The following UBTD2 variants were observed in gnomAD, a reference collection of about 807,000 sequenced individuals.
The protein encoded by UBTD2 is ubiquitin domain-containing protein 2.
A neutral mutation model predicts 19.8 loss-of-function variants in UBTD2; 9 were observed. The observed-to-expected ratio is 0.46, with a 90% CI of 0.27 to 0.79. The LOEUF is 0.79. UBTD2 is among the 30% of genes least tolerant of loss of function. UBTD2 has a pLI of 0.14. For missense variants in UBTD2, 250 were observed against 300.4 expected (o/e 0.83, Z 1.24); for synonymous variants, 98 against 103.9 (o/e 0.94, Z 0.35).
intron 1 of UBTD2, chr5:172,254,833 T>C (rs1472958016): frequency 1.8e-6 from 1 of 552,218 alleles, no homozygotes; most frequent in South Asian, 2.1e-5. Flanking sequence ...TTTTCTCTGG[T>C]ACAGGATTTT....
intron 1 of UBTD2, among the ~76,000 whole-genome samples, chr5:172,262,458 A>C (rs1217645070): frequency 2.0e-5 from 3 of 151,262 alleles, no homozygotes; most frequent in African/African-American, 7.3e-5. Flanking sequence ...AAAAAAAAAA[A>C]AAAAAAAAAA....
At chr5:172,281,525 T>C (rs973685991) in intron 1 of UBTD2, among the ~76,000 whole-genome samples, 1 of 151,850 alleles carries the variant, frequency 6.6e-6, no homozygotes, top group African/African-American at 2.4e-5. Context: ...CCTCCACACA[T>C]CCCCCAAACC....
chr5:172,256,228 A>T (rs1394758719), intron 1 of UBTD2, among the ~76,000 whole-genome samples: 1 of 152,202 alleles, frequency 6.6e-6, no homozygotes, highest in Non-Finnish European at 1.5e-5. Flanking sequence ...CCACTCTATT[A>T]AGTCATAGCT....
intron 1 of UBTD2, among the ~76,000 whole-genome samples, chr5:172,236,866 A>AAAGGAAGAGG (rs1772020785): frequency 6.6e-6 from 1 of 152,216 alleles, no homozygotes; most frequent in South Asian, 2.1e-4. Context: ...AAAGCAAATG[A>AAAGGAAGAGG]AAGGAAGAGG....
At chr5:172,230,869 C>T (rs1408893500) in intron 2 of UBTD2, among the ~76,000 whole-genome samples, 5 of 151,496 alleles carry the variant, frequency 3.3e-5, no homozygotes, top group Non-Finnish European at 5.9e-5. Context: ...CTGCAAGCTC[C>T]GCCTCCCAGG....
chr5:172,275,182 G>T (rs1006642992), intron 1 of UBTD2, among the ~76,000 whole-genome samples: 10 of 152,204 alleles, frequency 6.6e-5, no homozygotes, highest in African/African-American at 2.4e-4. Context: ...ATGGCAGGAG[G>T]AAGAAGTGCC....
chr5:172,250,197 A>G (rs1754969688), intron 1 of UBTD2, among the ~76,000 whole-genome samples: 1 of 152,186 alleles, frequency 6.6e-6, no homozygotes, highest in Non-Finnish European at 1.5e-5. Flanking sequence ...CACTCCATGC[A>G]ACCCAGCCTG....
At chr5:172,237,625 G>A (rs977393476) in intron 1 of UBTD2, among the ~76,000 whole-genome samples, 6 of 152,174 alleles carry the variant, frequency 3.9e-5, no homozygotes, top group Non-Finnish European at 7.3e-5. Context: ...GAAGCTTCAT[G>A]TTAAACTAAA....
intron 1 of UBTD2, among the ~76,000 whole-genome samples, chr5:172,237,160 C>A (rs528566445): frequency 6.6e-6 from 1 of 152,264 alleles, no homozygotes; most frequent in East Asian, 1.9e-4. Flanking sequence ...ACTGGTGCAA[C>A]CCGACTCACT....
At chr5:172,266,296 C>A (rs1156934695) in intron 1 of UBTD2, among the ~76,000 whole-genome samples, 1 of 152,202 alleles carries the variant, frequency 6.6e-6, no homozygotes, top group Non-Finnish European at 1.5e-5. Context: ...TGGGAAGAAG[C>A]TGTGTGTGAG....
At chr5:172,221,120 G>A (rs1771641528) in intron 2 of UBTD2, among the ~76,000 whole-genome samples, 1 of 152,190 alleles carries the variant, frequency 6.6e-6, no homozygotes, top group Admixed American at 6.5e-5. Context: ...TAGAGAAAGA[G>A]TCCATGTTCA....
intron 1 of UBTD2, among the ~76,000 whole-genome samples, chr5:172,261,264 A>T (rs947766124): frequency 3.9e-5 from 6 of 152,186 alleles, no homozygotes; most frequent in African/African-American, 1.4e-4. Flanking sequence ...AATCTCCTTC[A>T]ACTTACCCCT....
intron 1 of UBTD2, among the ~76,000 whole-genome samples, chr5:172,257,146 C>G (rs548527819): frequency 8.5e-5 from 13 of 152,316 alleles, no homozygotes; most frequent in African/African-American, 2.4e-4. Context: ...CTCCCATCCT[C>G]TGCCCTCAAG....
At chr5:172,262,586 C>G (rs539267755) in intron 1 of UBTD2, among the ~76,000 whole-genome samples, 2 of 151,676 alleles carry the variant, frequency 1.3e-5, no homozygotes, top group African/African-American at 4.8e-5. Flanking sequence ...CCGAGGTAGA[C>G]GGATCACTTG....
At chr5:172,215,652 T>G (rs1771526780) in intron 2 of UBTD2, among the ~76,000 whole-genome samples, 1 of 152,178 alleles carries the variant, frequency 6.6e-6, no homozygotes, top group Non-Finnish European at 1.5e-5. Flanking sequence ...ACTGGGAATT[T>G]AAAACATGAT....
At chr5:172,255,437 CTT>C in intron 1 of UBTD2, 1 of 491,122 alleles carries the variant, frequency 2.0e-6, no homozygotes, top group Non-Finnish European at 4.1e-6. Flanking sequence ...CATGAGCATT[CTT>C]TTAAACCTTC....
intron 2 of UBTD2, among the ~76,000 whole-genome samples, chr5:172,218,592 G>A (rs1771589684): frequency 6.6e-6 from 1 of 151,700 alleles, no homozygotes; most frequent in Non-Finnish European, 1.5e-5. Flanking sequence ...CGACCAGCCT[G>A]GGTAACATGC....
At chr5:172,277,696 A>C (rs1755633759) in intron 1 of UBTD2, among the ~76,000 whole-genome samples, 1 of 151,944 alleles carries the variant, frequency 6.6e-6, no homozygotes, top group Non-Finnish European at 1.5e-5. Flanking sequence ...ACAGAGCGAG[A>C]CTCTATTAAA....
At chr5:172,232,096 C>A (rs1771912311) in intron 2 of UBTD2, among the ~76,000 whole-genome samples, 1 of 151,976 alleles carries the variant, frequency 6.6e-6, no homozygotes, top group Admixed American at 6.6e-5. Context: ...CATGGCGAAA[C>A]CCTGTCTCTA....
Sources: gnomAD v4.1 joint callset for allele counts (sites outside exome capture counted in the v4.1 genomes callset) on GRCh38, gnomAD v4.1.1 for gene constraint, MANE v1.5 for transcripts, NCBI Gene and HGNC (gene_info 2026-07-23, HGNC 2026-07-21) for gene names.